Variants in COMMD1 observed in about 807,000 individuals in gnomAD.
COMMD1 encodes the protein COMM domain-containing protein 1.
Under a neutral mutation model 17.2 loss-of-function variants are expected in COMMD1, and 10 were observed. That is an observed-to-expected ratio of 0.58 (90% CI 0.36 to 0.99). The LOEUF is 0.99. COMMD1 is among the 50% of genes least tolerant of loss of function. The probability of loss-of-function intolerance (pLI) is 0.01; values close to 1 mark genes in which losing one functional copy is unlikely to be tolerated. For synonymous variants in COMMD1, 97 were observed against 91.6 expected, an observed-to-expected ratio of 1.06 and a Z score of -0.34; for missense variants, 270 against 231.8, an observed-to-expected ratio of 1.17 and a Z score of -1.07.
intron 1 of COMMD1, among the ~76,000 whole-genome samples, chr2:61,991,992 A>G (rs1341995720): frequency 6.6e-6 from 1 of 152,238 alleles, no homozygotes; most frequent in African/African-American, 2.4e-5. Flanking sequence ...TTCTAATATG[A>G]TGTCATAAAT....
At chr2:61,958,240 C>T (rs962027559) in intron 1 of COMMD1, among the ~76,000 whole-genome samples, 1 of 151,508 alleles carries the variant, frequency 6.6e-6, no homozygotes, top group Non-Finnish European at 1.5e-5. Flanking sequence ...CCACAAACCC[C>T]GTTTTCTGTA....
intron 2 of COMMD1, among the ~76,000 whole-genome samples, chr2:62,013,838 C>T (rs572194453): frequency 5.3e-5 from 8 of 152,126 alleles, no homozygotes; most frequent in African/African-American, 1.4e-4. Flanking sequence ...CTTGAGTTTT[C>T]TGGTAGCTAT....
chr2:62,114,342 T>C (rs1672530898), intron 2 of COMMD1, among the ~76,000 whole-genome samples: 1 of 152,156 alleles, frequency 6.6e-6, no homozygotes, highest in Non-Finnish European at 1.5e-5. Flanking sequence ...GAGGATGAGA[T>C]TATTATACTA....
At chr2:61,919,560 A>G (rs1232909399) in intron 1 of COMMD1, among the ~76,000 whole-genome samples, 1 of 93,892 alleles carries the variant, frequency 1.1e-5, no homozygotes, top group African/African-American at 4.2e-5. Context: ...TTTTTTTTTC[A>G]TTGAGTAGAG....
chr2:61,928,482 T>C (rs1200261693), intron 1 of COMMD1, among the ~76,000 whole-genome samples: 1 of 152,176 alleles, frequency 6.6e-6, no homozygotes. Flanking sequence ...TTAATATCTA[T>C]TTTCAGTATC....
chr2:61,957,580 T>G (rs191161438), intron 1 of COMMD1, among the ~76,000 whole-genome samples: 1 of 152,306 alleles, frequency 6.6e-6, no homozygotes, highest in East Asian at 1.9e-4. Context: ...TTGTCTCCTT[T>G]TTTTCATTAC....
upstream of COMMD1, among the ~76,000 whole-genome samples, chr2:61,903,575 G>T (rs1276984778): frequency 1.0e-4 from 15 of 147,618 alleles, no homozygotes; most frequent in Admixed American, 8.8e-4. Flanking sequence ...TTTTTGAGAT[G>T]AAGTTTTGCT....
chr2:61,972,632 G>A (rs540125401), intron 1 of COMMD1, among the ~76,000 whole-genome samples: 1 of 152,116 alleles, frequency 6.6e-6, no homozygotes, highest in African/African-American at 2.4e-5. Context: ...TTATCTCTGC[G>A]TTCTTTCTCC....
chr2:61,967,947 G>C (rs1404300806), intron 1 of COMMD1, among the ~76,000 whole-genome samples: 1 of 152,146 alleles, frequency 6.6e-6, no homozygotes, highest in African/African-American at 2.4e-5. Context: ...GATCATCTGA[G>C]GTCAGGAGTT....
intron 2 of COMMD1, among the ~76,000 whole-genome samples, chr2:62,076,559 C>T (rs967138846): frequency 6.6e-6 from 1 of 152,146 alleles, no homozygotes; most frequent in Non-Finnish European, 1.5e-5. Flanking sequence ...CCAGCCTTGG[C>T]AACATGGTGA....
At chr2:61,945,913 G>A (rs902778917) in intron 1 of COMMD1, among the ~76,000 whole-genome samples, 2 of 152,128 alleles carry the variant, frequency 1.3e-5, no homozygotes, top group Non-Finnish European at 2.9e-5. Context: ...CAGGTAGCGG[G>A]TTTTAGAGAA....
chr2:62,077,728 C>T (rs542409193), intron 2 of COMMD1, among the ~76,000 whole-genome samples: 13 of 151,958 alleles, frequency 8.6e-5, no homozygotes, highest in African/African-American at 1.7e-4. Flanking sequence ...GGTCATGGCC[C>T]GTGACACAGC....
chr2:61,891,812 CTT>C (rs1311661120), intron 1 of COMMD1, among the ~76,000 whole-genome samples: 1 of 151,680 alleles, frequency 6.6e-6, no homozygotes, highest in Admixed American at 6.6e-5. Flanking sequence ...GTTTTTAAAA[CTT>C]TCTGATATTT....
chr2:62,028,021 G>T lies in COMMD1; in HGVS notation c.462+27039G>T, dbSNP rs1043236372. Reference sequence around the variant, plus strand: ...TTAGTTCCTGATTTTTATAGTCCATGTTAGCCTGTTCAGTGCATTAAAGAA... The same window carrying T: ...TTAGTTCCTGATTTTTATAGTCCATTTTAGCCTGTTCAGTGCATTAAAGAA... On this transcript the variant is annotated intron_variant, in intron 2 of 2. Coordinates refer to ENST00000311832, the MANE Select transcript of COMMD1 (RefSeq NM_152516.4). Among the ~76,000 whole-genome samples, 5 of 152,124 alleles carry T rather than the reference G, an allele frequency of 3.3e-5. No homozygotes were observed. In the East Asian group the frequency reaches 9.6e-4, roughly 29 times the overall value.
At chr2:62,048,528 A>G (rs906655197) in intron 2 of COMMD1, among the ~76,000 whole-genome samples, 5 of 152,076 alleles carry the variant, frequency 3.3e-5, no homozygotes, top group African/African-American at 4.8e-5. Context: ...ATGTTATGCT[A>G]TGGACTATGG....
chr2:61,892,175 C>A (rs1467618941), intron 1 of COMMD1, among the ~76,000 whole-genome samples: 1 of 151,806 alleles, frequency 6.6e-6, no homozygotes, highest in Non-Finnish European at 1.5e-5. Flanking sequence ...AAAACAAAAC[C>A]AAACAAACAA....
At chr2:62,087,418 C>G (rs185902559) in intron 2 of COMMD1, among the ~76,000 whole-genome samples, 41 of 152,278 alleles carry the variant, frequency 2.7e-4, no homozygotes, top group African/African-American at 9.1e-4. Context: ...TATTTTCAAA[C>G]AGTCTTCTGA....
At chr2:61,918,893 T>C (rs1199469583) in intron 1 of COMMD1, among the ~76,000 whole-genome samples, 2 of 152,232 alleles carry the variant, frequency 1.3e-5, no homozygotes, top group Non-Finnish European at 2.9e-5. Flanking sequence ...TTTATAAATT[T>C]GGACTTCTGT....
At chr2:62,020,520 G>A (rs890425858) in intron 2 of COMMD1, among the ~76,000 whole-genome samples, 8 of 152,186 alleles carry the variant, frequency 5.3e-5, no homozygotes, top group Admixed American at 3.9e-4. Context: ...TACTATTTCT[G>A]TCTCTTTCAG....
Sources: gnomAD v4.1 joint callset for allele counts (sites outside exome capture counted in the v4.1 genomes callset) on GRCh38, gnomAD v4.1.1 for gene constraint, MANE v1.5 for transcripts, NCBI Gene and HGNC (gene_info 2026-07-23, HGNC 2026-07-21) for gene names.